The following DLGAP2 variants were observed in gnomAD, a reference collection of about 807,000 sequenced individuals.
The protein encoded by DLGAP2 is DLG associated protein 2.
DLGAP2 carries 26 observed loss-of-function variants against 100.3 expected under a neutral mutation model. That is an observed-to-expected ratio of 0.26 (90% CI 0.19 to 0.36). DLGAP2 has a LOEUF of 0.36. Ranked by LOEUF, DLGAP2 falls within the 10% of genes least tolerant of loss-of-function variation. The pLI is 1.00. For missense variants in DLGAP2, 1,858 were observed against 1,453.2 expected (o/e 1.28, Z -4.53); for synonymous variants, 886 against 630.1 (o/e 1.41, Z -6.08).
At chr8:1,627,783 A>G (rs1013303352) in intron 7 of DLGAP2, among the ~76,000 whole-genome samples, 2 of 151,828 alleles carry the variant, frequency 1.3e-5, no homozygotes, top group African/African-American at 4.8e-5. Flanking sequence ...TGGAGCAGGG[A>G]TTAAGAGCCT....
chr8:1,112,649 T>C (rs943723265), intron 2 of DLGAP2, among the ~76,000 whole-genome samples: 1 of 152,236 alleles, frequency 6.6e-6, no homozygotes, highest in Non-Finnish European at 1.5e-5. Flanking sequence ...GCAAATATTT[T>C]CTCCCATTCT....
At chr8:1,596,812 C>T (rs768524088) in intron 6 of DLGAP2, among the ~76,000 whole-genome samples, 37 of 152,162 alleles carry the variant, frequency 2.4e-4, no homozygotes, top group Non-Finnish European at 4.0e-4. Flanking sequence ...AACATTTTCT[C>T]CCATTCTGTA....
chr8:1,468,091 T>C (rs1417116505), intron 3 of DLGAP2, among the ~76,000 whole-genome samples: 1 of 152,218 alleles, frequency 6.6e-6, no homozygotes, highest in Non-Finnish European at 1.5e-5. Context: ...AGAAATCACT[T>C]GCCAAAGACG....
intron 1 of DLGAP2, among the ~76,000 whole-genome samples, chr8:848,848 G>GTGTTCCAGCATAGGATTGCGCAGTGTC (rs1563061786): frequency 5.5e-5 from 8 of 146,344 alleles, no homozygotes; most frequent in Non-Finnish European, 1.1e-4. Context: ...CTTGTGATGT[G>GTGTTCCAGCATAGGATTGCGCAGTGTC]TGTTCCAGCA....
intron 1 of DLGAP2, among the ~76,000 whole-genome samples, chr8:761,462 C>A (rs1233177669): frequency 6.6e-6 from 1 of 152,154 alleles, no homozygotes; most frequent in Non-Finnish European, 1.5e-5. Flanking sequence ...AATGGCCGGG[C>A]CTTCTGTAAG....
In DLGAP2 at chr8:1,548,957, G is replaced by A. The variant is rs185488433; in HGVS notation, c.504G>A (p.Ser168=). The A allele has an allele frequency of 3.8e-5, 60 of 1,598,974 alleles. No individual in the cohort carries two copies. In the East Asian group the frequency reaches 1.2e-3, roughly 33 times the overall value. ...SSTFPRMHYS[S]HYDTRDDCAV... ...CCTTCCCGCGGATGCACTACAGCTC[G>A]CACTACGACACGCGCGACGACTGCG... Residue 168 remains serine (S), a synonymous_variant, in exon 5 of 15, where the codon TCG becomes TCA. Transcript: ENST00000637795.
chr8:1,069,666 G>A (rs1362120752), intron 2 of DLGAP2, among the ~76,000 whole-genome samples: 1 of 152,060 alleles, frequency 6.6e-6, no homozygotes, highest in Non-Finnish European at 1.5e-5. Flanking sequence ...ACTCCTATAA[G>A]CACCATACTT....
intron 8 of DLGAP2, among the ~76,000 whole-genome samples, chr8:1,640,080 A>G (rs1797861113): frequency 6.6e-6 from 1 of 152,232 alleles, no homozygotes; most frequent in South Asian, 2.1e-4. Context: ...GGTAGAGTGC[A>G]TGAATGAATG....
chr8:870,296 C>G (rs1759366730), intron 1 of DLGAP2, among the ~76,000 whole-genome samples: 1 of 152,174 alleles, frequency 6.6e-6, no homozygotes, highest in Non-Finnish European at 1.5e-5. Flanking sequence ...TGCTTATAAA[C>G]CTCTGTCTTC....
At chr8:1,216,421 T>C (rs1798214115) in intron 2 of DLGAP2, among the ~76,000 whole-genome samples, 1 of 151,890 alleles carries the variant, frequency 6.6e-6, no homozygotes, top group South Asian at 2.1e-4. Context: ...CAATCTTGGC[T>C]CACTCTAGCC....
At chr8:1,305,287 C>G (rs1458635302) in intron 3 of DLGAP2, among the ~76,000 whole-genome samples, 1 of 152,188 alleles carries the variant, frequency 6.6e-6, no homozygotes, top group Non-Finnish European at 1.5e-5. Context: ...TGGTCTTCCG[C>G]AGTTCTCTGT....
At chr8:857,256 G>T (rs1797296444) in intron 1 of DLGAP2, among the ~76,000 whole-genome samples, 1 of 152,128 alleles carries the variant, frequency 6.6e-6, no homozygotes, top group African/African-American at 2.4e-5. Context: ...AGACAATGTG[G>T]GAGAACCCTG....
intron 6 of DLGAP2, among the ~76,000 whole-genome samples, chr8:1,598,881 A>C (rs1796539601): frequency 6.6e-6 from 1 of 151,926 alleles, no homozygotes; most frequent in African/African-American, 2.4e-5. Flanking sequence ...TTCTTCTCTA[A>C]TCTGAGTTAT....
chr8:1,252,445 CTG>C (rs1334887473), intron 2 of DLGAP2, among the ~76,000 whole-genome samples: 3 of 152,002 alleles, frequency 2.0e-5, no homozygotes, highest in East Asian at 1.9e-4. Flanking sequence ...ACTTGTCACA[CTG>C]TGGTGTTGTC....
chr8:1,565,700 G>C lies in DLGAP2; in HGVS notation c.1248G>C (p.Trp416Cys). The C allele has an allele frequency of 6.2e-7, 1 of 1,612,986 alleles. No homozygotes were observed. The highest frequency in any genetic ancestry group is 8.5e-7 in the Non-Finnish European group (1 of 1,179,408). ...CHYLQVPQDEWGGYPTGGKDE... is the reference protein window; with the variant it reads ...CHYLQVPQDECGGYPTGGKDE... ...GCTCCCAGGTACCTCAGGATGAGTG[G>C]GGAGGGTACCCCACCGGTGGCAAAG... is the stretch of plus-strand genomic sequence containing the variant. Residue 416 changes from tryptophan (W) to cysteine (C), a missense_variant, in exon 6 of 15, where the codon TGG becomes TGC. By Grantham distance (215) the Trp-to-Cys change is radical (BLOSUM62 -2). Coordinates refer to ENST00000637795, the MANE Select transcript of DLGAP2 (RefSeq NM_001346810.2).
intron 2 of DLGAP2, among the ~76,000 whole-genome samples, chr8:1,150,341 G>T (rs1796676002): frequency 6.6e-6 from 1 of 152,152 alleles, no homozygotes; most frequent in South Asian, 2.1e-4. Flanking sequence ...CCAGGGCATG[G>T]TATCATTGCT....
chr8:1,542,024 C>G (rs1284968531), intron 4 of DLGAP2, among the ~76,000 whole-genome samples: 3 of 152,198 alleles, frequency 2.0e-5, no homozygotes. Flanking sequence ...ATCAGAGCAA[C>G]ACAGGAAACA....
chr8:1,061,853 A>G lies in DLGAP2; in HGVS notation c.73+153887A>G, dbSNP rs114584910. Among the ~76,000 whole-genome samples the G allele has an allele frequency of 3.7e-3, 556 of 151,778 alleles. 1 individual carries two copies. The highest frequency in any genetic ancestry group is 0.013 in the African/African-American group (536 of 41,342). On this transcript the variant is annotated intron_variant, in intron 2 of 14. Coordinates refer to ENST00000637795, the MANE Select transcript of DLGAP2 (RefSeq NM_001346810.2). Reference sequence around the variant, plus strand: ...GGGAGCACGAGACGTCGCTGGGAGGAGCTGCTCTGTGTGGACGGGGCCCCT... The same window carrying G: ...GGGAGCACGAGACGTCGCTGGGAGGGGCTGCTCTGTGTGGACGGGGCCCCT...
intron 2 of DLGAP2, among the ~76,000 whole-genome samples, chr8:1,195,178 G>C (rs1797724816): frequency 6.6e-6 from 1 of 152,232 alleles, no homozygotes; most frequent in Non-Finnish European, 1.5e-5. Flanking sequence ...AAGAGACGAG[G>C]GTGTCAGGAA....
Sources: gnomAD v4.1 joint callset for allele counts (sites outside exome capture counted in the v4.1 genomes callset) on GRCh38, gnomAD v4.1.1 for gene constraint, MANE v1.5 for transcripts, NCBI Gene and HGNC (gene_info 2026-07-23, HGNC 2026-07-21) for gene names.